The following CHODL variants were observed in gnomAD, a reference collection of about 807,000 sequenced individuals.
The protein encoded by CHODL is chondrolectin.
Under a neutral mutation model 34.5 loss-of-function variants are expected in CHODL, and 29 were observed. That is an observed-to-expected ratio of 0.84 (90% confidence interval 0.63 to 1.15). CHODL has a LOEUF of 1.15. CHODL is among the 50% of genes most tolerant of loss of function. The pLI, the probability that CHODL is intolerant of heterozygous loss-of-function variation, is 0.00. For missense variants in CHODL, 332 were observed against 332.5 expected (o/e 1.00, Z 0.01); for synonymous variants, 125 against 116.1 (o/e 1.08, Z -0.49).
At chr21:18,103,176 G>A (rs961972931) in intron 2 of CHODL, among the ~76,000 whole-genome samples, 9 of 152,094 alleles carry the variant, frequency 5.9e-5, no homozygotes, top group African/African-American at 2.2e-4. Context: ...TCAATGGATG[G>A]TTGTAAGAAT....
In CHODL at chr21:17,942,263, A is replaced by G. The variant is rs757361674; in HGVS notation, c.-145+24863A>G. The stretch of plus-strand genomic sequence containing the variant: ...GTGTCCCCACTCAAATCTCATCTTG[A>G]ATTGTAACTCCCACAATTCCCACAT... On this transcript the variant is annotated intron_variant, in intron 1 of 6. Coordinates refer to the CHODL transcript ENST00000400127. Among the ~76,000 whole-genome samples the G allele has an allele frequency of 8.7e-4, 132 of 152,174 alleles. 2 individuals are homozygous for G. The highest frequency in any genetic ancestry group is 1.9e-3 in the Admixed American group (29 of 15,274).
chr21:18,086,042 T>TC, intron 2 of CHODL, among the ~76,000 whole-genome samples: 1 of 40,876 alleles, frequency 2.4e-5, no homozygotes, highest in African/African-American at 2.9e-4. Context: ...GACTTTGTTC[T>TC]TTTTTTTTTT....
At chr21:18,116,604 C>T (rs2065416129) in intron 2 of CHODL, among the ~76,000 whole-genome samples, 1 of 152,134 alleles carries the variant, frequency 6.6e-6, no homozygotes, top group Admixed American at 6.5e-5. Flanking sequence ...GATCCCTAAC[C>T]AAGGCCAGAT....
intron 2 of CHODL, among the ~76,000 whole-genome samples, chr21:18,188,547 A>C (rs571790104): frequency 6.6e-6 from 1 of 152,368 alleles, no homozygotes; most frequent in South Asian, 2.1e-4. Flanking sequence ...AAAAGAAGGA[A>C]GTAGTGCTAC....
chr21:18,210,188 C>A (rs1480530793), intron 2 of CHODL, among the ~76,000 whole-genome samples: 4 of 152,190 alleles, frequency 2.6e-5, no homozygotes, highest in African/African-American at 9.7e-5. Flanking sequence ...TCATTCTCCT[C>A]TGGCTAGGGC....
chr21:18,183,063 G>C (rs934096158), intron 2 of CHODL, among the ~76,000 whole-genome samples: 1 of 152,096 alleles, frequency 6.6e-6, no homozygotes, highest in Admixed American at 6.5e-5. Context: ...TTTGAAAAGA[G>C]GACAACCACT....
At chr21:18,049,870 G>A (rs917268661) in intron 2 of CHODL, among the ~76,000 whole-genome samples, 3 of 151,920 alleles carry the variant, frequency 2.0e-5, no homozygotes, top group African/African-American at 7.2e-5. Flanking sequence ...TTTGGGAAAC[G>A]TAATTCAGCA....
intron 1 of CHODL, among the ~76,000 whole-genome samples, chr21:18,251,904 A>G (rs1044850404): frequency 9.9e-5 from 15 of 151,362 alleles, no homozygotes; most frequent in African/African-American, 3.4e-4. Flanking sequence ...ATAAACCTGC[A>G]CATCCTACAT....
chr21:18,184,298 A>G (rs1393001165), intron 2 of CHODL, among the ~76,000 whole-genome samples: 1 of 152,212 alleles, frequency 6.6e-6, no homozygotes, highest in Non-Finnish European at 1.5e-5. Context: ...AATTTTGAAA[A>G]TGTTTGAAAA....
At chr21:17,975,118 G>T (rs1186436792) in intron 1 of CHODL, among the ~76,000 whole-genome samples, 2 of 152,076 alleles carry the variant, frequency 1.3e-5, no homozygotes, top group Admixed American at 6.6e-5. Flanking sequence ...ACGAGGTCAG[G>T]AGTTCAAGAC....
At chr21:18,166,791 G>T (rs1266577335) in intron 2 of CHODL, among the ~76,000 whole-genome samples, 1 of 151,818 alleles carries the variant, frequency 6.6e-6, no homozygotes, top group Admixed American at 6.6e-5. Flanking sequence ...ATAATTTGTG[G>T]ATATCCTTGA....
intron 2 of CHODL, among the ~76,000 whole-genome samples, chr21:18,053,931 T>C (rs1568862746): frequency 7.7e-6 from 1 of 130,092 alleles, no homozygotes; most frequent in Non-Finnish European, 1.9e-5. Flanking sequence ...CATAAATGTG[T>C]ATAATTTATA....
rs143352733 is a variant in CHODL, at chr21:17,998,785, C to T, written c.-144-29087C>T. Among the ~76,000 whole-genome samples, 3 of 152,276 alleles carry T rather than the reference C, an allele frequency of 2.0e-5. No homozygotes were observed. The East Asian group carries it at 5.8e-4, about 29-fold the overall frequency. The stretch of plus-strand genomic sequence containing the variant: ...TCTAGGCTGCATACAGCTTGGGGAC[C>T]CCGGGCCCAGCCCACAAAACCACTT... On this transcript the variant is annotated intron_variant, in intron 1 of 6. Transcript: ENST00000400127.
intron 2 of CHODL, among the ~76,000 whole-genome samples, chr21:18,197,888 C>A (rs1167581276): frequency 2.6e-5 from 4 of 152,182 alleles, no homozygotes; most frequent in Admixed American, 2.6e-4. Flanking sequence ...TACGATTACT[C>A]ACATGAGCAT....
At chr21:17,963,445 C>A (rs1177323145) in intron 1 of CHODL, among the ~76,000 whole-genome samples, 3 of 152,166 alleles carry the variant, frequency 2.0e-5, no homozygotes, top group African/African-American at 7.2e-5. Context: ...GGTGGCCTTA[C>A]AATCGTGGCT....
At chr21:18,045,497 T>G (rs931070978) in intron 2 of CHODL, among the ~76,000 whole-genome samples, 3 of 151,890 alleles carry the variant, frequency 2.0e-5, no homozygotes, top group Non-Finnish European at 4.4e-5. Flanking sequence ...AAGGAATACC[T>G]GGAACTCCCA....
At chr21:18,132,719 A>G (rs183161852) in intron 2 of CHODL, among the ~76,000 whole-genome samples, 1 of 152,224 alleles carries the variant, frequency 6.6e-6, no homozygotes, top group East Asian at 1.9e-4. Context: ...ATCTATTCAG[A>G]TCTTTGTTGT....
intron 2 of CHODL, among the ~76,000 whole-genome samples, chr21:18,113,772 C>G (rs1314565236): frequency 6.6e-6 from 1 of 152,162 alleles, no homozygotes; most frequent in East Asian, 1.9e-4. Flanking sequence ...CCACATGATT[C>G]AGCAATTCCA....
intron 1 of CHODL, among the ~76,000 whole-genome samples, chr21:17,934,255 C>CA (rs1239903006): frequency 6.6e-6 from 1 of 151,288 alleles, no homozygotes; most frequent in Non-Finnish European, 1.5e-5. Context: ...AACACATTCT[C>CA]AAAAAACAGT....
Sources: allele counts gnomAD v4.1 joint callset (sites outside exome capture counted in the v4.1 genomes callset), GRCh38; gene constraint gnomAD v4.1.1; transcripts MANE v1.5; gene names NCBI Gene and HGNC (gene_info 2026-07-23, HGNC 2026-07-21).